The following ERG variants were observed in gnomAD, a reference collection of about 807,000 sequenced individuals.
The protein encoded by ERG is transcriptional regulator ERG.
ERG carries 9 observed loss-of-function variants against 55.3 expected under a neutral mutation model. The ratio of observed to expected loss-of-function variants is 0.16; its 90% confidence interval spans 0.10 to 0.28. The LOEUF is 0.28. ERG is among the 10% of genes least tolerant of loss of function. ERG has a pLI of 1.00. For missense variants in ERG, 434 were observed against 631.6 expected, an observed-to-expected ratio of 0.69 and a Z score of 3.35; for synonymous variants, 223 against 237.3, an observed-to-expected ratio of 0.94 and a Z score of 0.55.
In ERG at chr21:38,558,030, T is replaced by C. The variant is rs552704801; in HGVS notation, c.-41+17632A>G. 1.9e-3 allele frequency among the ~76,000 whole-genome samples: 291 copies of C among 151,874 alleles called. 1 individual carries two copies. Among genetic ancestry groups the C allele is most frequent in the Middle Eastern group, 0.01 (3 of 294 alleles). On this transcript the variant is annotated intron_variant, in intron 2 of 8. Transcript: ENST00000398897. ...TAATTTTATCATCTTTTGCTTTTTTTCTTTGATCTAAATCAGGATGCTAAG... is the reference window on the plus strand; with the variant it reads ...TAATTTTATCATCTTTTGCTTTTTTCCTTTGATCTAAATCAGGATGCTAAG...
chr21:38,637,877 T>C (rs1320041572), intron 1 of ERG, among the ~76,000 whole-genome samples: 2 of 152,032 alleles, frequency 1.3e-5, no homozygotes, highest in Non-Finnish European at 2.9e-5. Flanking sequence ...CAACAGGGGT[T>C]CCCACTTGCC....
chr21:38,601,221 C>T (rs1460971874), intron 1 of ERG, among the ~76,000 whole-genome samples: 1 of 152,144 alleles, frequency 6.6e-6, no homozygotes, highest in Non-Finnish European at 1.5e-5. Flanking sequence ...AGGCAGGAAT[C>T]CCACCTAATG....
At chr21:38,452,799 C>T (rs1486126915) in intron 1 of ERG, among the ~76,000 whole-genome samples, 1 of 152,266 alleles carries the variant, frequency 6.6e-6, no homozygotes, top group African/African-American at 2.4e-5. Flanking sequence ...TCTCAGGGCT[C>T]TGAGAAGGCC....
intron 2 of ERG, among the ~76,000 whole-genome samples, chr21:38,539,935 C>T (rs1045690347): frequency 7.2e-6 from 1 of 139,812 alleles, no homozygotes; most frequent in East Asian, 2.1e-4. Flanking sequence ...CTTGCTCTGT[C>T]GCCCAGGCTG....
intron 1 of ERG, among the ~76,000 whole-genome samples, chr21:38,638,248 C>G (rs866825742): frequency 2.0e-5 from 3 of 152,176 alleles, no homozygotes; most frequent in Non-Finnish European, 4.4e-5. Flanking sequence ...AATAACAGAG[C>G]CCCTCCCAGT....
chr21:38,609,733 G>A (rs983731410), intron 1 of ERG, among the ~76,000 whole-genome samples: 12 of 152,354 alleles, frequency 7.9e-5, no homozygotes, highest in Admixed American at 5.2e-4. Context: ...TACAGGCAAA[G>A]AGAAAGCAGA....
chr21:38,496,560 A>G (rs2146688776), intron 1 of ERG, among the ~76,000 whole-genome samples: 1 of 152,378 alleles, frequency 6.6e-6, no homozygotes, highest in African/African-American at 2.4e-5. Flanking sequence ...AAGATTAAAA[A>G]AAAATTCACC....
chr21:38,499,619 G>A (rs1185901103), upstream of ERG, among the ~76,000 whole-genome samples: 1 of 152,056 alleles, frequency 6.6e-6, no homozygotes, highest in Non-Finnish European at 1.5e-5. Context: ...AGGCCGGCAT[G>A]TGTCAGAGTT....
intron 2 of ERG, among the ~76,000 whole-genome samples, chr21:38,444,405 G>T (rs2836404): frequency 0.45 from 68,527 of 151,958 alleles, 16,278 homozygotes; most frequent in East Asian, 0.64. Context: ...ATATAAAAGG[G>T]CTTTGTACAC....
At chr21:38,505,344 G>A (rs188953686) in intron 2 of ERG, among the ~76,000 whole-genome samples, 196 of 152,034 alleles carry the variant, frequency 1.3e-3, no homozygotes, top group African/African-American at 4.5e-3. Context: ...CTCATCCCTC[G>A]CCCCCTCTCC....
At chr21:38,449,138 CAG>C (rs1388260445) in intron 1 of ERG, 4 of 152,348 alleles carry the variant, frequency 2.6e-5, no homozygotes, top group East Asian at 3.9e-4. Flanking sequence ...GGCTTTATAA[CAG>C]AGAATATTTT....
At chr21:38,595,332 C>G (rs1214637562) in intron 1 of ERG, among the ~76,000 whole-genome samples, 1 of 152,004 alleles carries the variant, frequency 6.6e-6, no homozygotes, top group Non-Finnish European at 1.5e-5. Flanking sequence ...GGGGAAGCCT[C>G]GGAATGCAAG....
chr21:38,618,918 C>T (rs559489254), intron 1 of ERG, among the ~76,000 whole-genome samples: 2 of 152,174 alleles, frequency 1.3e-5, no homozygotes, highest in South Asian at 4.2e-4. Flanking sequence ...AGGGCAGAAC[C>T]CAATCCTGAA....
intron 1 of ERG, among the ~76,000 whole-genome samples, chr21:38,455,133 T>A (rs1005490264): frequency 7.3e-6 from 1 of 136,398 alleles, no homozygotes; most frequent in Non-Finnish European, 1.6e-5. Context: ...TTTTTTTTTT[T>A]ACCTAGAATA....
intron 1 of ERG, among the ~76,000 whole-genome samples, chr21:38,621,483 A>G (rs531424916): frequency 5.3e-5 from 8 of 152,210 alleles, no homozygotes; most frequent in East Asian, 1.9e-4. Flanking sequence ...TGCCTCAGAG[A>G]GCTGCTGTCC....
At chr21:38,466,490 G>A (rs2059091753) in intron 1 of ERG, among the ~76,000 whole-genome samples, 1 of 151,888 alleles carries the variant, frequency 6.6e-6, no homozygotes, top group Admixed American at 6.6e-5. Flanking sequence ...TTGCAGGAGT[G>A]GTTTAATTCC....
intron 1 of ERG, chr21:38,450,928 C>G (rs144666819): frequency 2.2e-6 from 1 of 455,126 alleles, no homozygotes; most frequent in East Asian, 6.9e-5. Context: ...TCAGAAAGTG[C>G]GATTAGAGAA....
chr21:38,493,559 G>A (rs1176609783), intron 1 of ERG, among the ~76,000 whole-genome samples: 1 of 152,322 alleles, frequency 6.6e-6, no homozygotes, highest in African/African-American at 2.4e-5. Context: ...AGAACAAGAT[G>A]TATTTTTTGT....
intron 1 of ERG, among the ~76,000 whole-genome samples, chr21:38,592,786 C>T (rs967383038): frequency 2.0e-5 from 3 of 152,160 alleles, no homozygotes; most frequent in African/African-American, 7.2e-5. Context: ...CAAGGGTCTC[C>T]ATGAATCATG....
Sources: allele counts gnomAD v4.1 joint callset (sites outside exome capture counted in the v4.1 genomes callset), GRCh38; gene constraint gnomAD v4.1.1; transcripts MANE v1.5; gene names NCBI Gene and HGNC (gene_info 2026-07-23, HGNC 2026-07-21).